FGGY: variants seen among roughly 807,000 people sequenced by gnomAD.
FGGY encodes the protein FGGY carbohydrate kinase domain containing, also known as FGGY carbohydrate kinase domain-containing protein.
FGGY carries 72 observed loss-of-function variants against 71.3 expected under a neutral mutation model. That is an observed-to-expected ratio of 1.01 (90% CI 0.84 to 1.23). The LOEUF (loss-of-function observed/expected upper bound fraction) is 1.23, where lower values mean the gene tolerates loss of function less well. Among genes scored for constraint, FGGY ranks in the 50% most tolerant of loss-of-function variants. The probability of loss-of-function intolerance (pLI) is 0.00; values close to 1 mark genes in which losing one functional copy is unlikely to be tolerated. For synonymous variants in FGGY, 251 were observed against 250.3 expected, an observed-to-expected ratio of 1.00 and a Z score of -0.02; for missense variants, 668 against 682.3, an observed-to-expected ratio of 0.98 and a Z score of 0.23.
chr1:59,423,681 C>T (rs183016537), intron 5 of FGGY, among the ~76,000 whole-genome samples: 1 of 152,316 alleles, frequency 6.6e-6, no homozygotes, highest in Admixed American at 6.5e-5. Flanking sequence ...GAATACCCTT[C>T]CTGGTCTGGC....
rs2094539769 is a variant in FGGY, at chr1:59,512,393, G to T, written c.753G>T (p.Gly251=). 8 of 1,613,898 alleles carry T rather than the reference G, an allele frequency of 5.0e-6. No individual in the cohort carries two copies. The highest frequency in any genetic ancestry group is 3.3e-4 in the Middle Eastern group (2 of 6,056). ...EAARDLGLLP[G]IAVAASLIDA... is the part of the protein sequence containing the mutation. The stretch of plus-strand genomic sequence containing the variant: ...CAAGAGACCTTGGCCTTCTCCCTGG[G>T]ATTGCGGTCGCAGCTTCACTCATTG... Residue 251 remains glycine (G), a synonymous_variant, in exon 7 of 16, where the codon GGG becomes GGT. Coordinates refer to ENST00000303721, the MANE Select transcript of FGGY (RefSeq NM_018291.5).
intron 14 of FGGY, among the ~76,000 whole-genome samples, chr1:59,683,057 A>G (rs2097516931): frequency 6.6e-6 from 1 of 152,182 alleles, no homozygotes. Context: ...GTAATGATAA[A>G]AACGCTGGAA....
intron 5 of FGGY, among the ~76,000 whole-genome samples, chr1:59,444,659 C>T (rs891481729): frequency 6.6e-6 from 1 of 152,152 alleles, no homozygotes; most frequent in African/African-American, 2.4e-5. Flanking sequence ...CCTGTCAGAT[C>T]AGCAGTGGCA....
chr1:59,372,993 C>G (rs2057968282), intron 4 of FGGY, among the ~76,000 whole-genome samples: 1 of 152,104 alleles, frequency 6.6e-6, no homozygotes, highest in Non-Finnish European at 1.5e-5. Context: ...CATTTGAAAA[C>G]TGGCACAAGA....
At chr1:59,369,951 A>G (rs999382534) in intron 4 of FGGY, among the ~76,000 whole-genome samples, 10 of 152,196 alleles carry the variant, frequency 6.6e-5, no homozygotes, top group Non-Finnish European at 1.2e-4. Flanking sequence ...AGATAAAACC[A>G]CAAAGATGGG....
chr1:59,760,248 T>C (rs966225691), intron 15 of FGGY, among the ~76,000 whole-genome samples: 3 of 152,154 alleles, frequency 2.0e-5, no homozygotes, highest in Non-Finnish European at 1.5e-5. Flanking sequence ...TACCGTGAGG[T>C]ACCACCTCAC....
intron 2 of FGGY, among the ~76,000 whole-genome samples, chr1:59,327,464 T>G (rs1490418331): frequency 6.6e-6 from 1 of 152,170 alleles, no homozygotes; most frequent in Non-Finnish European, 1.5e-5. Flanking sequence ...CACTTCTAAT[T>G]CTAGTTCGTT....
intron 6 of FGGY, among the ~76,000 whole-genome samples, chr1:59,457,623 GA>G (rs140812925): frequency 0.031 from 4,723 of 150,198 alleles, 241 homozygotes; most frequent in African/African-American, 0.11. Context: ...TTTTGAGGGG[GA>G]AAAAAAAATG....
chr1:59,431,412 C>T lies in FGGY; in HGVS notation c.555-25549C>T, dbSNP rs9787042. Among the ~76,000 whole-genome samples, 470 of 152,276 alleles carry T rather than the reference C, an allele frequency of 3.1e-3. 22 individuals are homozygous for T. The East Asian group carries it at 0.077, about 25-fold the overall frequency. ...TTATTCTCTTTCAACTCTGTATTTT[C>T]GCATATGTGACTTTCTTCTGCTAGT... On this transcript the variant is annotated intron_variant, in intron 5 of 15. Coordinates refer to ENST00000303721, the MANE Select transcript of FGGY (RefSeq NM_018291.5).
At chr1:59,627,296 A>T (rs1474411929) in intron 10 of FGGY, among the ~76,000 whole-genome samples, 1 of 151,714 alleles carries the variant, frequency 6.6e-6, no homozygotes, top group Admixed American at 6.6e-5. Context: ...TCTGTTTTTC[A>T]TAGGTGTATA....
intron 14 of FGGY, among the ~76,000 whole-genome samples, chr1:59,732,869 G>A (rs1482040928): frequency 6.6e-6 from 1 of 152,048 alleles, no homozygotes; most frequent in East Asian, 1.9e-4. Flanking sequence ...CTTCCACCAT[G>A]GAATTTAGAC....
At chr1:59,302,987 T>C (rs1299326571) in intron 1 of FGGY, among the ~76,000 whole-genome samples, 4 of 152,074 alleles carry the variant, frequency 2.6e-5, no homozygotes, top group Non-Finnish European at 4.4e-5. Context: ...ATTTCCTTTT[T>C]CCCCCAGCTT....
intron 11 of FGGY, among the ~76,000 whole-genome samples, chr1:59,647,316 A>G (rs1374783338): frequency 6.6e-6 from 1 of 152,222 alleles, no homozygotes; most frequent in Non-Finnish European, 1.5e-5. Flanking sequence ...CCTCAGAAGC[A>G]AGGCAAACAA....
chr1:59,610,871 C>A (rs573143433), intron 9 of FGGY, among the ~76,000 whole-genome samples: 1 of 152,258 alleles, frequency 6.6e-6, no homozygotes, highest in Non-Finnish European at 1.5e-5. Context: ...TTATATCCTG[C>A]GCCTGGCTCA....
At chr1:59,533,014 C>G (rs140296130) in intron 7 of FGGY, among the ~76,000 whole-genome samples, 1 of 152,138 alleles carries the variant, frequency 6.6e-6, no homozygotes, top group African/African-American at 2.4e-5. Flanking sequence ...CCAAGATGGC[C>G]GAATAGGAAC....
At chr1:59,658,523 A>T (rs1002072465) in intron 11 of FGGY, among the ~76,000 whole-genome samples, 1 of 152,244 alleles carries the variant, frequency 6.6e-6, no homozygotes, top group Non-Finnish European at 1.5e-5. Context: ...AGACTTAGAT[A>T]AATAATTCAG....
intron 14 of FGGY, among the ~76,000 whole-genome samples, chr1:59,709,704 C>T (rs1467189598): frequency 1.3e-5 from 2 of 152,236 alleles, no homozygotes; most frequent in Non-Finnish European, 2.9e-5. Context: ...TGGAGGGCCA[C>T]TGCAGGCAGG....
Position 59,501,831 on chromosome 1 carries a change from A to T in FGGY, c.671-10480A>T, listed in dbSNP as rs371514539. ...AGTTTGCTCTCATGACCCCAAAAGCATATATCTCCACATGCTGTAACATCA... is the reference window on the plus strand; with the variant it reads ...AGTTTGCTCTCATGACCCCAAAAGCTTATATCTCCACATGCTGTAACATCA... On this transcript the variant is annotated intron_variant, in intron 6 of 15. Coordinates refer to ENST00000303721, the MANE Select transcript of FGGY (RefSeq NM_018291.5). Among the ~76,000 whole-genome samples, 5 of 152,306 alleles carry T rather than the reference A, an allele frequency of 3.3e-5. No homozygotes were observed. The South Asian group carries it at 1.0e-3, about 32-fold the overall frequency.
At chr1:59,751,853 C>T (rs781161301) in intron 14 of FGGY, among the ~76,000 whole-genome samples, 1 of 152,198 alleles carries the variant, frequency 6.6e-6, no homozygotes, top group Non-Finnish European at 1.5e-5. Context: ...AATCCATTGA[C>T]TGAATCTTTT....
Sources: gnomAD v4.1 joint callset for allele counts (sites outside exome capture counted in the v4.1 genomes callset) on GRCh38, gnomAD v4.1.1 for gene constraint, MANE v1.5 for transcripts, NCBI Gene and HGNC (gene_info 2026-07-23, HGNC 2026-07-21) for gene names.